Variants in FOXP2 observed in about 807,000 individuals in gnomAD.
FOXP2 encodes the protein forkhead box protein P2.
Under a neutral mutation model 115.8 loss-of-function variants are expected in FOXP2, and 12 were observed. The ratio of observed to expected loss-of-function variants is 0.10; its 90% CI spans 0.07 to 0.17. The LOEUF (loss-of-function observed/expected upper bound fraction) is 0.17. Ranked by LOEUF, FOXP2 falls within the 10% of genes least tolerant of loss-of-function variation. The pLI, the probability that FOXP2 is intolerant of heterozygous loss-of-function variation, is 1.00. For synonymous variants in FOXP2, 328 were observed against 297.7 expected, an observed-to-expected ratio of 1.10 and a Z score of -1.05; for missense variants, 629 against 843.5, an observed-to-expected ratio of 0.75 and a Z score of 3.15.
intron 1 of FOXP2, among the ~76,000 whole-genome samples, chr7:114,256,194 C>T (rs1795607633): frequency 6.6e-6 from 1 of 152,126 alleles, no homozygotes; most frequent in African/African-American, 2.4e-5. Context: ...GCTCTGCCTC[C>T]CAGGTTCAAG....
chr7:114,685,549 T>C (rs1808315092), intron 16 of FOXP2, among the ~76,000 whole-genome samples: 1 of 152,138 alleles, frequency 6.6e-6, no homozygotes, highest in East Asian at 1.9e-4. Context: ...TACCCCACAG[T>C]GTGCAATAAT....
At chr7:114,125,901 C>A (rs1234075294) in intron 1 of FOXP2, among the ~76,000 whole-genome samples, 1 of 152,092 alleles carries the variant, frequency 6.6e-6, no homozygotes, top group Non-Finnish European at 1.5e-5. Context: ...TATCAAAAGA[C>A]ATTCAGTTCT....
intron 6 of FOXP2, among the ~76,000 whole-genome samples, chr7:114,640,539 A>G (rs1018633042): frequency 2.6e-5 from 4 of 152,314 alleles, no homozygotes; most frequent in Non-Finnish European, 5.9e-5. Flanking sequence ...TTCTGTTCCT[A>G]TTGGCTACTG....
chr7:114,480,764 TACG>T, intron 2 of FOXP2, among the ~76,000 whole-genome samples: 1 of 150,544 alleles, frequency 6.6e-6, no homozygotes, highest in Non-Finnish European at 1.5e-5. Flanking sequence ...CGTATATATA[TACG>T]TATACATACA....
chr7:114,099,145 C>T (rs1207365287), intron 1 of FOXP2, among the ~76,000 whole-genome samples: 1 of 151,904 alleles, frequency 6.6e-6, no homozygotes, highest in South Asian at 2.1e-4. Flanking sequence ...AACAAACAAA[C>T]AAACAAACAG....
intron 2 of FOXP2, among the ~76,000 whole-genome samples, chr7:114,356,666 A>G (rs1791623729): frequency 6.6e-6 from 1 of 152,210 alleles, no homozygotes; most frequent in Non-Finnish European, 1.5e-5. Flanking sequence ...AAATGGTATT[A>G]GAGAGAGTAG....
chr7:114,449,736 C>T (rs1011417669), intron 2 of FOXP2, among the ~76,000 whole-genome samples: 4 of 151,978 alleles, frequency 2.6e-5, no homozygotes, highest in Non-Finnish European at 4.4e-5. Context: ...AACCTCAATC[C>T]GTATAATTTT....
chr7:114,345,902 T>C (rs1052068319), intron 2 of FOXP2, among the ~76,000 whole-genome samples: 2 of 151,810 alleles, frequency 1.3e-5, no homozygotes, highest in African/African-American at 2.4e-5. Context: ...ATGAGTAATA[T>C]ACTTATTAAG....
intron 1 of FOXP2, among the ~76,000 whole-genome samples, chr7:114,143,890 A>T (rs181117402): frequency 1.1e-3 from 170 of 152,020 alleles, no homozygotes; most frequent in Non-Finnish European, 1.4e-3. Flanking sequence ...TCTACTTAAT[A>T]ATTTTCAACT....
intron 1 of FOXP2, among the ~76,000 whole-genome samples, chr7:114,107,905 A>G (rs893708264): frequency 6.6e-6 from 1 of 151,948 alleles, no homozygotes; most frequent in African/African-American, 2.4e-5. Context: ...GTACTTACTT[A>G]GAGGTCAACT....
At chr7:114,633,720 C>T (rs1805049976) in intron 6 of FOXP2, among the ~76,000 whole-genome samples, 1 of 152,072 alleles carries the variant, frequency 6.6e-6, no homozygotes, top group Non-Finnish European at 1.5e-5. Context: ...ACACCAGCTA[C>T]AGTAAAGGAA....
At chr7:114,339,815 A>G (rs1179970962) in intron 2 of FOXP2, among the ~76,000 whole-genome samples, 4 of 151,130 alleles carry the variant, frequency 2.6e-5, no homozygotes, top group African/African-American at 9.7e-5. Flanking sequence ...TCAGAGTAAG[A>G]TACAGTTTTT....
intron 2 of FOXP2, among the ~76,000 whole-genome samples, chr7:114,470,721 A>G (rs1796006099): frequency 1.3e-5 from 2 of 151,986 alleles, no homozygotes; most frequent in South Asian, 4.1e-4. Context: ...AATACTTTTT[A>G]TTATACCCAA....
At chr7:114,147,363 G>A (rs1337292971) in intron 1 of FOXP2, among the ~76,000 whole-genome samples, 1 of 152,128 alleles carries the variant, frequency 6.6e-6, no homozygotes, top group East Asian at 1.9e-4. Flanking sequence ...ATATTTTGTA[G>A]TGTGATATGG....
chr7:114,631,524 CCAGCAG>C lies in FOXP2; in HGVS notation c.615_620del (p.Gln208_Gln209del). 6.4e-6 allele frequency: 10 copies of C among 1,553,562 alleles called. No homozygotes were observed. Among genetic ancestry groups the C allele is most frequent in the Non-Finnish European group, 8.7e-6 (10 of 1,147,364 alleles). The stretch of plus-strand genomic sequence containing the variant: ...GTTTACTGGTTTGGGTTTTCTGATA[CCAGCAG>C]CAGCAGCAGCAGCAGCAGCAACAGC... On this transcript the variant is annotated splice_acceptor_variant and splice_polypyrimidine_tract_variant and coding_sequence_variant and intron_variant, in exon 6 of 17. Coordinates refer to ENST00000350908, the MANE Select transcript of FOXP2 (RefSeq NM_014491.4). LOFTEE classifies it high-confidence loss of function.
chr7:114,413,404 A>T (rs888951168), upstream of FOXP2, among the ~76,000 whole-genome samples: 6 of 118,078 alleles, frequency 5.1e-5, no homozygotes, highest in African/African-American at 1.9e-4. Context: ...ACAATCTGAT[A>T]AAAAAATGTT....
chr7:114,387,109 A>G (rs949765831), intron 2 of FOXP2, among the ~76,000 whole-genome samples: 1 of 152,216 alleles, frequency 6.6e-6, no homozygotes, highest in Non-Finnish European at 1.5e-5. Context: ...ATATAAATAC[A>G]TATATGTTAA....
At chr7:114,609,036 T>TA (rs1049245301) in intron 3 of FOXP2, among the ~76,000 whole-genome samples, 2 of 151,740 alleles carry the variant, frequency 1.3e-5, no homozygotes, top group Non-Finnish European at 2.9e-5. Flanking sequence ...CCGTCTCTAC[T>TA]AAAAAAACAA....
At chr7:114,225,342 G>A (rs566871097) in intron 1 of FOXP2, among the ~76,000 whole-genome samples, 1 of 151,552 alleles carries the variant, frequency 6.6e-6, no homozygotes, top group South Asian at 2.1e-4. Flanking sequence ...TTTGAGTTAG[G>A]GAATATTATT....
Sources: gnomAD v4.1 joint callset for allele counts (sites outside exome capture counted in the v4.1 genomes callset) on GRCh38, gnomAD v4.1.1 for gene constraint, MANE v1.5 for transcripts, NCBI Gene and HGNC (gene_info 2026-07-23, HGNC 2026-07-21) for gene names.